The following MAML2 variants were observed in gnomAD, a reference collection of about 807,000 sequenced individuals.
MAML2 encodes mastermind like transcriptional coactivator 2.
A neutral mutation model predicts 96.1 loss-of-function variants in MAML2; 22 were observed. That is an observed-to-expected ratio of 0.23 (90% CI 0.16 to 0.33). The LOEUF (loss-of-function observed/expected upper bound fraction) is 0.33. Ranked by LOEUF, MAML2 falls within the 10% of genes least tolerant of loss-of-function variation. MAML2 has a pLI of 1.00. For missense variants in MAML2, 1,367 were observed against 1,392.4 expected, an observed-to-expected ratio of 0.98 and a Z score of 0.29; for synonymous variants, 561 against 521.3, an observed-to-expected ratio of 1.08 and a Z score of -1.04.
intron 1 of MAML2, among the ~76,000 whole-genome samples, chr11:96,105,706 TGTTA>T (rs1428200819): frequency 6.6e-6 from 1 of 152,236 alleles, no homozygotes; most frequent in East Asian, 1.9e-4. Flanking sequence ...TCTGGGCTAA[TGTTA>T]GCCTGAGTAA....
intron 1 of MAML2, among the ~76,000 whole-genome samples, chr11:96,180,835 G>C (rs1344982986): frequency 6.6e-6 from 1 of 152,126 alleles, no homozygotes; most frequent in African/African-American, 2.4e-5. Context: ...AGTCCGAAAA[G>C]AGTCAGCGAA....
chr11:96,045,725 A>C (rs900184583), intron 2 of MAML2, among the ~76,000 whole-genome samples: 4 of 152,214 alleles, frequency 2.6e-5, no homozygotes, highest in African/African-American at 9.6e-5. Flanking sequence ...TAACTGAGTT[A>C]AACAGAGAAT....
chr11:96,321,303 A>G (rs1194033152), intron 1 of MAML2, among the ~76,000 whole-genome samples: 1 of 152,222 alleles, frequency 6.6e-6, no homozygotes, highest in African/African-American at 2.4e-5. Context: ...TACTTTTAGA[A>G]TCTTAAATCA....
chr11:95,991,428 G>GT, intron 3 of MAML2, 92 bp downstream of exon 3: 1 of 1,177,934 alleles, frequency 8.5e-7, no homozygotes, highest in Admixed American at 1.7e-5. Flanking sequence ...TTGCTGTCAC[G>GT]TAAGTAGGCA....
chr11:96,095,303 G>T (rs994706763), intron 1 of MAML2, among the ~76,000 whole-genome samples: 1 of 152,190 alleles, frequency 6.6e-6, no homozygotes, highest in Non-Finnish European at 1.5e-5. Flanking sequence ...GGAAAAATCT[G>T]CTTTTTGTCA....
At chr11:96,224,752 T>A (rs1472510981) in intron 1 of MAML2, among the ~76,000 whole-genome samples, 1 of 152,232 alleles carries the variant, frequency 6.6e-6, no homozygotes, top group African/African-American at 2.4e-5. Context: ...TGGCACAAAG[T>A]AGATGCACAT....
intron 2 of MAML2, among the ~76,000 whole-genome samples, chr11:96,038,220 T>C (rs1590974982): frequency 6.6e-6 from 1 of 152,330 alleles, no homozygotes; most frequent in Non-Finnish European, 1.5e-5. Flanking sequence ...GGTTAGAAAA[T>C]AATGTACTAG....
chr11:95,980,751 G>A (rs543900679), intron 4 of MAML2, among the ~76,000 whole-genome samples: 2 of 152,224 alleles, frequency 1.3e-5, no homozygotes, highest in South Asian at 2.1e-4. Flanking sequence ...TTTGCCCTTC[G>A]AATCTTTCAT....
intron 2 of MAML2, among the ~76,000 whole-genome samples, chr11:95,999,315 T>G (rs1458861010): frequency 6.6e-6 from 1 of 152,180 alleles, no homozygotes; most frequent in East Asian, 1.9e-4. Context: ...TTAAAAAAGA[T>G]GTTAACTAAT....
chr11:96,147,935 T>C (rs1860845435), intron 1 of MAML2, among the ~76,000 whole-genome samples: 1 of 152,172 alleles, frequency 6.6e-6, no homozygotes, highest in Non-Finnish European at 1.5e-5. Context: ...CACCTGCCAC[T>C]CTGAAAGAAC....
rs920057013 is a variant in MAML2 at position 95,977,466 on chromosome 11, A to T, written c.*1482T>A. On this transcript the variant is annotated 3_prime_UTR_variant, in exon 5 of 5. Coordinates refer to ENST00000524717, the MANE Select transcript of MAML2 (RefSeq NM_032427.4). ...TTTTTCTTTGAACAGATATTGAAAGACTTGATTATTAAATAACTTCAGCTA... is the reference window on the plus strand; with the variant it reads ...TTTTTCTTTGAACAGATATTGAAAGTCTTGATTATTAAATAACTTCAGCTA... The T allele has an allele frequency of 9.9e-5, 19 of 192,452 alleles. No individual in the cohort carries two copies. Among genetic ancestry groups the T allele is most frequent in the Admixed American group, 1.8e-4 (3 of 16,294 alleles). The allele number at this position is 192,452 out of a possible 1,614,324, so 11.9% of individuals were successfully genotyped here. A position where few individuals can be genotyped will look rare whatever the true frequency, so the allele number is the denominator to read the frequency against.
intron 2 of MAML2, among the ~76,000 whole-genome samples, chr11:96,024,831 TACTC>T (rs1404347983): frequency 6.6e-6 from 1 of 152,202 alleles, no homozygotes; most frequent in Non-Finnish European, 1.5e-5. Context: ...GCTCACCTCT[TACTC>T]AGCCCTCCAC....
intron 2 of MAML2, among the ~76,000 whole-genome samples, chr11:96,072,594 G>A (rs1344662146): frequency 6.6e-6 from 1 of 152,196 alleles, no homozygotes; most frequent in Non-Finnish European, 1.5e-5. Flanking sequence ...TCAACGGACA[G>A]GGTGGCATGC....
chr11:96,177,768 G>T (rs752356803), intron 1 of MAML2, among the ~76,000 whole-genome samples: 3 of 152,124 alleles, frequency 2.0e-5, no homozygotes, highest in Non-Finnish European at 4.4e-5. Context: ...ATAGGATAAG[G>T]CATGGGGTGT....
intron 1 of MAML2, among the ~76,000 whole-genome samples, chr11:96,179,250 G>C (rs1049809462): frequency 6.6e-6 from 1 of 152,194 alleles, no homozygotes; most frequent in African/African-American, 2.4e-5. Context: ...TCTGAAAAGA[G>C]AGAAATAGTT....
At chr11:96,318,803 T>C (rs770680228) in intron 1 of MAML2, among the ~76,000 whole-genome samples, 1 of 152,248 alleles carries the variant, frequency 6.6e-6, no homozygotes, top group Non-Finnish European at 1.5e-5. Flanking sequence ...AATTAATTAA[T>C]GGTCAAATTT....
At chr11:96,217,221 T>C (rs568886310) in intron 1 of MAML2, among the ~76,000 whole-genome samples, 2 of 152,246 alleles carry the variant, frequency 1.3e-5, no homozygotes, top group Admixed American at 6.5e-5. Context: ...ACTGGAAATA[T>C]TTCCCTTGAT....
At chr11:96,141,650 C>T (rs769852030) in intron 1 of MAML2, among the ~76,000 whole-genome samples, 13 of 152,196 alleles carry the variant, frequency 8.5e-5, no homozygotes, top group Non-Finnish European at 1.8e-4. Flanking sequence ...AGACCTCCTC[C>T]CTCCGATTGC....
chr11:96,119,844 C>T (rs1860304787), intron 1 of MAML2, among the ~76,000 whole-genome samples: 1 of 152,204 alleles, frequency 6.6e-6, no homozygotes, highest in African/African-American at 2.4e-5. Context: ...TGTAGCTCTC[C>T]TCCTAACAGA....
Sources: gnomAD v4.1 joint callset for allele counts (sites outside exome capture counted in the v4.1 genomes callset) on GRCh38, gnomAD v4.1.1 for gene constraint, MANE v1.5 for transcripts, NCBI Gene and HGNC (gene_info 2026-07-23, HGNC 2026-07-21) for gene names.